CAMTA1: variants seen among roughly 807,000 people sequenced by gnomAD.
CAMTA1 encodes the protein calmodulin binding transcription activator 1, also known as calmodulin-binding transcription activator 1.
CAMTA1 carries 27 observed loss-of-function variants against 170.9 expected under a neutral mutation model. That is an observed-to-expected ratio of 0.16 (90% CI 0.12 to 0.22). The LOEUF is 0.22. CAMTA1 is among the 10% of genes least tolerant of loss of function. The probability of loss-of-function intolerance (pLI) is 1.00; values close to 1 mark genes in which losing one functional copy is unlikely to be tolerated. For synonymous variants in CAMTA1, 833 were observed against 891.5 expected (o/e 0.93, Z 1.17); for missense variants, 1,619 against 2,217.2 (o/e 0.73, Z 5.42).
chr1:7,493,567 C>T (rs1304679011), intron 6 of CAMTA1, among the ~76,000 whole-genome samples: 4 of 151,880 alleles, frequency 2.6e-5, no homozygotes, highest in South Asian at 2.1e-4. Flanking sequence ...CACGCAACGA[C>T]GGATCCACAC....
In CAMTA1 at chr1:7,664,645, G is replaced by A; in HGVS notation, c.2098G>A (p.Gly700Arg). The A allele has an allele frequency of 1.2e-6, 2 of 1,607,334 alleles. No homozygotes were observed. Among genetic ancestry groups the A allele is most frequent in the Non-Finnish European group, 1.7e-6 (2 of 1,175,264 alleles). Residue 700 changes from glycine (G) to arginine (R), a missense_variant, in exon 9 of 23, where the codon GGG becomes AGG. By Grantham distance (125) the Gly-to-Arg change is moderately radical (BLOSUM62 -2). This residue lies in a region of CAMTA1 where 731 missense variants were observed against 907.6 expected (regional missense o/e 0.81). Transcript: ENST00000303635. ...VTMETSQAAE[G>R]SEVLLKSGEL... The stretch of plus-strand genomic sequence containing the variant: ...CATGGAGACCTCGCAGGCGGCGGAA[G>A]GGAGCGAGGTCCTGCTCAAGTCTGG...
intron 9 of CAMTA1, among the ~76,000 whole-genome samples, chr1:7,670,036 C>G (rs901623759): frequency 6.6e-6 from 1 of 152,190 alleles, no homozygotes; most frequent in Non-Finnish European, 1.5e-5. Flanking sequence ...CCAGCCCTTC[C>G]GATGCTCTCC....
chr1:7,357,989 A>G (rs1340170849), intron 5 of CAMTA1, among the ~76,000 whole-genome samples: 1 of 152,160 alleles, frequency 6.6e-6, no homozygotes, highest in African/African-American at 2.4e-5. Flanking sequence ...TTTCTGGACT[A>G]TGCTAAAGGG....
chr1:7,263,194 A>G (rs1668427572), intron 5 of CAMTA1, among the ~76,000 whole-genome samples: 1 of 152,130 alleles, frequency 6.6e-6, no homozygotes, highest in Non-Finnish European at 1.5e-5. Flanking sequence ...ACTTTTTTTA[A>G]GCCCTCCAGA....
intron 3 of CAMTA1, among the ~76,000 whole-genome samples, chr1:7,024,764 G>A (rs1701814810): frequency 6.6e-6 from 1 of 152,046 alleles, no homozygotes; most frequent in South Asian, 2.1e-4. Context: ...CTATTAATAA[G>A]GAAAAAAGCA....
chr1:7,226,919 G>A (rs1179618565), intron 4 of CAMTA1, among the ~76,000 whole-genome samples: 3 of 151,922 alleles, frequency 2.0e-5, no homozygotes, highest in Non-Finnish European at 2.9e-5. Context: ...TGCAAGCTCC[G>A]CCTCCTGGGT....
At chr1:7,237,839 C>T (rs534874220) in intron 4 of CAMTA1, among the ~76,000 whole-genome samples, 82 of 152,342 alleles carry the variant, frequency 5.4e-4, no homozygotes, top group Admixed American at 2.3e-3. Context: ...TTACTCCCCA[C>T]AGGGGAACCC....
At chr1:6,998,225 G>T (rs187125502) in intron 3 of CAMTA1, among the ~76,000 whole-genome samples, 1 of 151,896 alleles carries the variant, frequency 6.6e-6, no homozygotes, top group African/African-American at 2.4e-5. Flanking sequence ...CTACAGGTGC[G>T]TGCCGCCACA....
Position 7,300,276 on chromosome 1 carries a change from C to T in CAMTA1, c.438+50650C>T, listed in dbSNP as rs566181689. The stretch of plus-strand genomic sequence containing the variant: ...ACCCTGGCACAGAATCACCCTGGTC[C>T]CCACTCTGGTCCTCCCTTCCAGGCT... On this transcript the variant is annotated intron_variant, in intron 5 of 22. Transcript: ENST00000303635. This position sits in a 1 kb window ranked among gnomAD's most constrained non-coding sequence, Gnocchi z 4.1. Among the ~76,000 whole-genome samples, 1 of 152,318 alleles carries T rather than the reference C, an allele frequency of 6.6e-6. No individual in the cohort carries two copies. Among genetic ancestry groups the T allele is most frequent in the South Asian group, 2.1e-4 (1 of 4,824 alleles).
intron 6 of CAMTA1, among the ~76,000 whole-genome samples, chr1:7,519,609 C>T (rs527275336): frequency 6.6e-6 from 1 of 151,928 alleles, no homozygotes; most frequent in South Asian, 2.1e-4. Flanking sequence ...TTGCCCGGGC[C>T]AATGATGCCA....
At chr1:7,320,649 G>GTTTT (rs55683398) in intron 5 of CAMTA1, among the ~76,000 whole-genome samples, 35 of 80,274 alleles carry the variant, frequency 4.4e-4, no homozygotes, top group East Asian at 1.4e-3. Flanking sequence ...TGCTGTGTGT[G>GTTTT]TTTTTTTTTT....
At chr1:7,659,223 A>G (rs567318426) in intron 7 of CAMTA1, among the ~76,000 whole-genome samples, 1 of 152,306 alleles carries the variant, frequency 6.6e-6, no homozygotes, top group Non-Finnish European at 1.5e-5. Flanking sequence ...AGCCTCACAC[A>G]TGGGTGATTT....
chr1:7,637,168 C>G (rs1427329117), intron 6 of CAMTA1, among the ~76,000 whole-genome samples: 1 of 152,240 alleles, frequency 6.6e-6, no homozygotes, highest in Non-Finnish European at 1.5e-5. Context: ...CCCACAAGAC[C>G]CTGTCTGCCT....
At chr1:7,696,426 C>G (rs2096377136) in intron 11 of CAMTA1, among the ~76,000 whole-genome samples, 1 of 151,538 alleles carries the variant, frequency 6.6e-6, no homozygotes, top group Non-Finnish European at 1.5e-5. Flanking sequence ...GAACACCTGA[C>G]CTCGTGATCC....
chr1:6,919,793 GGAAAC>G (rs1681595856), intron 3 of CAMTA1, among the ~76,000 whole-genome samples: 1 of 152,136 alleles, frequency 6.6e-6, no homozygotes, highest in Admixed American at 6.5e-5. Flanking sequence ...GCTTGTGCAG[GGAAAC>G]TCCCCCTTAT....
rs1418470019 is a variant in CAMTA1 at position 7,249,762 on chromosome 1, CT to C, written c.438+140del. 46 of 1,066,678 alleles carry C rather than the reference CT, an allele frequency of 4.3e-5. No homozygotes were observed. The highest frequency in any genetic ancestry group is 5.9e-5 in the Non-Finnish European group (45 of 757,918). 66.1% of individuals were successfully genotyped at this position (1,066,678 alleles called of 1,614,324 possible). A position where few individuals can be genotyped will look rare whatever the true frequency, so the allele number is the denominator to read the frequency against. On this transcript the variant is annotated intron_variant, in intron 5 of 22. Coordinates refer to ENST00000303635, the MANE Select transcript of CAMTA1 (RefSeq NM_015215.4). The surrounding 1 kb of genome is among the most constrained non-coding windows in gnomAD (Gnocchi z 4.4). Reference sequence around the variant, plus strand: ...TTGTTTGCCAAGACCCTGGTTTTTGCTTTTGTTTCGTTTTTCTACCTTCTTA... The same window carrying C: ...TTGTTTGCCAAGACCCTGGTTTTTGCTTTGTTTCGTTTTTCTACCTTCTTA...
intron 1 of CAMTA1, among the ~76,000 whole-genome samples, chr1:6,812,011 CTAGGTGTATG>C (rs772805090): frequency 1.3e-4 from 20 of 152,192 alleles, no homozygotes; most frequent in Non-Finnish European, 2.4e-4. Context: ...AGATCACCTT[CTAGGTGTATG>C]TGGTAGCATT....
chr1:6,947,921 G>C (rs189456484), intron 3 of CAMTA1, among the ~76,000 whole-genome samples: 1 of 151,838 alleles, frequency 6.6e-6, no homozygotes, highest in African/African-American at 2.4e-5. Context: ...TAGAGTTTTC[G>C]TGGATTCTTC....
chr1:7,001,582 G>A (rs1055253592), intron 3 of CAMTA1, among the ~76,000 whole-genome samples: 6 of 152,162 alleles, frequency 3.9e-5, no homozygotes, highest in African/African-American at 7.2e-5. Context: ...TGATATTGAC[G>A]ACAGCCAGTG....
Sources: allele counts gnomAD v4.1 joint callset (sites outside exome capture counted in the v4.1 genomes callset), GRCh38; gene constraint gnomAD v4.1.1; regional missense constraint gnomAD v4.1.1; non-coding constraint Gnocchi (gnomAD v3.1); transcripts MANE v1.5; gene names NCBI Gene and HGNC (gene_info 2026-07-23, HGNC 2026-07-21).